HECW1: variants seen among roughly 807,000 people sequenced by gnomAD.
HECW1 encodes the protein HECT, C2 and WW domain containing E3 ubiquitin protein ligase 1, also known as E3 ubiquitin-protein ligase HECW1.
HECW1 carries 61 observed loss-of-function variants against 182.3 expected under a neutral mutation model. The observed-to-expected ratio is 0.33, with a 90% CI of 0.27 to 0.41. The LOEUF (loss-of-function observed/expected upper bound fraction) is 0.41, where lower values mean the gene tolerates loss of function less well. Among genes scored for constraint, HECW1 ranks in the 10% least tolerant of loss-of-function variants. The pLI, the probability that HECW1 is intolerant of heterozygous loss-of-function variation, is 1.00. For missense variants in HECW1, 1,739 were observed against 2,108.9 expected (o/e 0.82, Z 3.44); for synonymous variants, 859 against 832.6 (o/e 1.03, Z -0.55).
chr7:43,224,468 G>A (rs1162529703), intron 2 of HECW1, among the ~76,000 whole-genome samples: 1 of 152,142 alleles, frequency 6.6e-6, no homozygotes, highest in African/African-American at 2.4e-5. Context: ...TGTGCAGAAT[G>A]GGAGTCCCAA....
At chr7:43,441,654 A>G (rs2076892348) in intron 9 of HECW1, among the ~76,000 whole-genome samples, 1 of 152,206 alleles carries the variant, frequency 6.6e-6, no homozygotes, top group Non-Finnish European at 1.5e-5. Flanking sequence ...CCCTGTCTAA[A>G]TTACTCAACT....
chr7:43,535,367 C>T (rs896360360), intron 24 of HECW1, among the ~76,000 whole-genome samples: 2 of 152,160 alleles, frequency 1.3e-5, no homozygotes, highest in East Asian at 1.9e-4. Context: ...GATCTCCTGC[C>T]GTAAGAGCCC....
At chr7:43,150,353 C>T (rs555703643) in intron 2 of HECW1, among the ~76,000 whole-genome samples, 1 of 152,198 alleles carries the variant, frequency 6.6e-6, no homozygotes, top group East Asian at 1.9e-4. Flanking sequence ...GGAAGGCTAC[C>T]GTCACTGAAC....
chr7:43,308,779 G>A (rs866596971), intron 3 of HECW1, among the ~76,000 whole-genome samples: 2 of 152,100 alleles, frequency 1.3e-5, no homozygotes, highest in South Asian at 2.1e-4. Flanking sequence ...CTGCCAACAC[G>A]CCCGGCTAAT....
chr7:43,488,494 G>A (rs13307381), intron 17 of HECW1, among the ~76,000 whole-genome samples: 9,355 of 144,214 alleles, frequency 0.065, 460 homozygotes, highest in Middle Eastern at 0.11. Context: ...GAAAGAGAAA[G>A]AAAGAAAGAA....
At chr7:43,227,817 C>G (rs1391195000) in intron 2 of HECW1, among the ~76,000 whole-genome samples, 1 of 152,130 alleles carries the variant, frequency 6.6e-6, no homozygotes, top group East Asian at 1.9e-4. Flanking sequence ...ACAGAAAAAG[C>G]AATACATCCA....
chr7:43,124,291 C>T (rs145698909), intron 2 of HECW1, among the ~76,000 whole-genome samples: 1 of 152,296 alleles, frequency 6.6e-6, no homozygotes, highest in East Asian at 1.9e-4. Context: ...TATAAATTCG[C>T]AAATAGCTTT....
At chr7:43,155,295 C>T (rs1789756668) in intron 2 of HECW1, among the ~76,000 whole-genome samples, 1 of 152,026 alleles carries the variant, frequency 6.6e-6, no homozygotes, top group South Asian at 2.1e-4. Context: ...CAAAGAAATA[C>T]AATTCTTAAA....
At chr7:43,482,019 T>C (rs1174197355) in intron 17 of HECW1, among the ~76,000 whole-genome samples, 1 of 147,164 alleles carries the variant, frequency 6.8e-6, no homozygotes, top group Non-Finnish European at 1.5e-5. Context: ...CTCTAACACA[T>C]ATGATGAAAG....
At chr7:43,508,400 G>A (rs928069712) in intron 23 of HECW1, among the ~76,000 whole-genome samples, 3 of 152,078 alleles carry the variant, frequency 2.0e-5, no homozygotes, top group Admixed American at 2.0e-4. Context: ...CTTTTTAGGT[G>A]GTGTACCCCT....
chr7:43,538,236 T>C (rs1402834082), intron 24 of HECW1, among the ~76,000 whole-genome samples: 1 of 152,112 alleles, frequency 6.6e-6, no homozygotes, highest in African/African-American at 2.4e-5. Flanking sequence ...GAAATGAGCT[T>C]AGAGGAGCCA....
At chr7:43,534,833 G>A (rs936356908) in intron 24 of HECW1, among the ~76,000 whole-genome samples, 12 of 152,112 alleles carry the variant, frequency 7.9e-5, no homozygotes, top group African/African-American at 2.4e-4. Context: ...CCCAATCCAC[G>A]TTTTCACTCT....
At chr7:43,185,598 C>T (rs557997289) in intron 2 of HECW1, among the ~76,000 whole-genome samples, 1 of 152,202 alleles carries the variant, frequency 6.6e-6, no homozygotes, top group Admixed American at 6.5e-5. Flanking sequence ...GGGAAAAATC[C>T]GCACACATTT....
chr7:43,164,696 G>A (rs1324734515), intron 2 of HECW1, among the ~76,000 whole-genome samples: 1 of 152,216 alleles, frequency 6.6e-6, no homozygotes, highest in African/African-American at 2.4e-5. Context: ...TTGGTGTGGA[G>A]GGAGGGAGAA....
chr7:43,179,949 G>A (rs1234348575), intron 2 of HECW1, among the ~76,000 whole-genome samples: 1 of 152,184 alleles, frequency 6.6e-6, no homozygotes, highest in East Asian at 1.9e-4. Flanking sequence ...ATGTTATACA[G>A]GAACCTTTGC....
intron 17 of HECW1, among the ~76,000 whole-genome samples, chr7:43,489,770 G>A (rs1005802199): frequency 1.3e-5 from 2 of 152,246 alleles, no homozygotes; most frequent in African/African-American, 4.8e-5. Flanking sequence ...GAATATGGAA[G>A]TGGGAACCAA....
intron 3 of HECW1, among the ~76,000 whole-genome samples, chr7:43,301,967 A>T (rs1806866799): frequency 1.3e-5 from 2 of 152,084 alleles, no homozygotes; most frequent in South Asian, 4.1e-4. Flanking sequence ...CACCCAGGGG[A>T]TATAAGAATT....
rs770350541 is a variant in HECW1 at position 43,444,994 on chromosome 7, G to A, written c.1822G>A (p.Ala608Thr). 1.5e-5 allele frequency: 24 copies of A among 1,554,882 alleles called. No homozygotes were observed. In the South Asian group the frequency reaches 2.7e-4, roughly 17 times the overall value. Residue 608 changes from alanine to threonine, a missense_variant, in exon 11 of 30, where the codon GCT (alanine) becomes ACT (threonine). This residue lies in a region of HECW1 where 971 missense variants were observed against 1,029.1 expected (regional missense o/e 0.94). Transcript: ENST00000395891. This position sits in a 1 kb window ranked among gnomAD's most constrained non-coding sequence, Gnocchi z 4.3. ...GCTCAGCGAGGTGGACACGGTGGCC[G>A]CTGACCCGTCTGCCCTGGAAGAGGA... ...DGLSEVDTVA[A>T]DPSALEEDRE...
chr7:43,349,222 C>T (rs148063576), intron 5 of HECW1, among the ~76,000 whole-genome samples: 99 of 152,130 alleles, frequency 6.5e-4, no homozygotes, highest in Non-Finnish European at 7.4e-4. Context: ...TTAGTAGAGA[C>T]GGGGTTTCTC....
Sources: gnomAD v4.1 joint callset for allele counts (sites outside exome capture counted in the v4.1 genomes callset) on GRCh38, gnomAD v4.1.1 for gene constraint, gnomAD v4.1.1 regional missense constraint, Gnocchi (gnomAD v3.1) non-coding constraint, MANE v1.5 for transcripts, NCBI Gene and HGNC (gene_info 2026-07-23, HGNC 2026-07-21) for gene names.